Variants in OXR1 observed in about 807,000 individuals in gnomAD.
The protein encoded by OXR1 is oxidation resistance protein 1.
OXR1 carries 41 observed loss-of-function variants against 104.6 expected under a neutral mutation model. That is an observed-to-expected ratio of 0.39 (90% CI 0.31 to 0.51). The LOEUF (loss-of-function observed/expected upper bound fraction) is 0.51, where lower values mean the gene tolerates loss of function less well. OXR1 is among the 20% of genes least tolerant of loss of function. The pLI is 0.77. For synonymous variants in OXR1, 348 were observed against 348.4 expected, an observed-to-expected ratio of 1.00 and a Z score of 0.01; for missense variants, 955 against 1,031.9, an observed-to-expected ratio of 0.93 and a Z score of 1.02.
chr8:106,284,722 A>G (rs1216951950), intron 1 of OXR1, among the ~76,000 whole-genome samples: 4 of 152,242 alleles, frequency 2.6e-5, no homozygotes, highest in Middle Eastern at 3.4e-3. Flanking sequence ...AGGGAATTCT[A>G]AACCACTTGC....
chr8:106,320,842 T>G (rs915445835), intron 1 of OXR1, among the ~76,000 whole-genome samples: 2 of 152,080 alleles, frequency 1.3e-5, no homozygotes, highest in African/African-American at 4.8e-5. Flanking sequence ...TAGCTAATTT[T>G]TGTATTTTTT....
intron 3 of OXR1, among the ~76,000 whole-genome samples, chr8:106,575,717 GAA>G (rs1817779190): frequency 7.1e-6 from 1 of 141,176 alleles, no homozygotes; most frequent in Admixed American, 7.1e-5. Flanking sequence ...AAAAAAAAGA[GAA>G]AGGGGCTTGA....
intron 3 of OXR1, among the ~76,000 whole-genome samples, chr8:106,667,623 T>C (rs1272497989): frequency 6.6e-6 from 1 of 152,190 alleles, no homozygotes; most frequent in African/African-American, 2.4e-5. Context: ...ATGATCATTC[T>C]TTTTTCACAT....
intron 1 of OXR1, among the ~76,000 whole-genome samples, chr8:106,299,681 G>A (rs1364533979): frequency 2.6e-5 from 4 of 151,984 alleles, no homozygotes; most frequent in Non-Finnish European, 5.9e-5. Flanking sequence ...ATATTATAAA[G>A]TTCACTCCCA....
chr8:106,392,639 GTAA>G (rs1284178125), intron 2 of OXR1, among the ~76,000 whole-genome samples: 1 of 152,076 alleles, frequency 6.6e-6, no homozygotes, highest in Non-Finnish European at 1.5e-5. Context: ...TAAAAAATTG[GTAA>G]TGGGTGGGAA....
intron 2 of OXR1, among the ~76,000 whole-genome samples, chr8:106,486,359 G>C (rs2129798194): frequency 6.6e-6 from 1 of 152,128 alleles, no homozygotes; most frequent in Admixed American, 6.5e-5. Flanking sequence ...TTTCAAATTG[G>C]TTTTCTTCTA....
At chr8:106,608,446 G>A (rs1343988959) in intron 3 of OXR1, among the ~76,000 whole-genome samples, 1 of 152,050 alleles carries the variant, frequency 6.6e-6, no homozygotes, top group Non-Finnish European at 1.5e-5. Flanking sequence ...TGGTTTCTGT[G>A]GGAGGCTAAA....
At chr8:106,430,035 G>A (rs1228432180) in intron 2 of OXR1, among the ~76,000 whole-genome samples, 1 of 152,140 alleles carries the variant, frequency 6.6e-6, no homozygotes, top group East Asian at 1.9e-4. Flanking sequence ...GCCTGTGTGT[G>A]TGTGTGTCTG....
intron 4 of OXR1, 77 bp from the exon 5 acceptor site, chr8:106,683,122 T>C: frequency 1.5e-6 from 1 of 688,788 alleles, no homozygotes; most frequent in Non-Finnish European, 2.5e-6. Flanking sequence ...TCCCTAGATA[T>C]ATTAATGCTC....
chr8:106,591,691 C>T (rs1419553514), intron 3 of OXR1, among the ~76,000 whole-genome samples: 1 of 151,956 alleles, frequency 6.6e-6, no homozygotes, highest in Non-Finnish European at 1.5e-5. Flanking sequence ...CACTACCCAC[C>T]CAATTATTGG....
chr8:106,665,465 G>A (rs1215867217), intron 3 of OXR1, among the ~76,000 whole-genome samples: 1 of 152,166 alleles, frequency 6.6e-6, no homozygotes, highest in Non-Finnish European at 1.5e-5. Context: ...AGAGAACTTA[G>A]TTACCCATGT....
intron 7 of OXR1, among the ~76,000 whole-genome samples, chr8:106,696,294 G>A (rs368832955): frequency 5.3e-5 from 8 of 152,028 alleles, no homozygotes; most frequent in East Asian, 3.9e-4. Flanking sequence ...TGTCTTTTGC[G>A]GATTGACACC....
At chr8:106,512,073 A>C (rs1812570001) in intron 2 of OXR1, among the ~76,000 whole-genome samples, 1 of 152,192 alleles carries the variant, frequency 6.6e-6, no homozygotes, top group African/African-American at 2.4e-5. Context: ...GCCAAATCTA[A>C]GTACTTTTTC....
At chr8:106,649,848 C>T (rs948764377) in intron 3 of OXR1, among the ~76,000 whole-genome samples, 2 of 152,014 alleles carry the variant, frequency 1.3e-5, no homozygotes, top group Non-Finnish European at 2.9e-5. Context: ...AGGCACCCAC[C>T]GCCACGCCCA....
rs1436086042 is a variant in OXR1 at position 106,447,931 on chromosome 8, C to T, written c.24-71012C>T. The T allele has an allele frequency of 2.6e-6, 4 of 1,532,726 alleles. No individual in the cohort carries two copies. In the East Asian group the frequency reaches 9.8e-5, roughly 38 times the overall value. The allele number at this position is 1,532,726 out of a possible 1,614,324, so 94.9% of individuals were successfully genotyped here. A position where few individuals can be genotyped will look rare whatever the true frequency, so the allele number is the denominator to read the frequency against. ...GAGGTAGTGGGTGGAGCTAACGAGACATCTAGTACGGGGCTCACAGGTAAC... is the reference window on the plus strand; with the variant it reads ...GAGGTAGTGGGTGGAGCTAACGAGATATCTAGTACGGGGCTCACAGGTAAC... On this transcript the variant is annotated intron_variant, in intron 2 of 16. Transcript: ENST00000517566.
At chr8:106,302,650 A>G (rs1456735415) in intron 1 of OXR1, among the ~76,000 whole-genome samples, 1 of 152,168 alleles carries the variant, frequency 6.6e-6, no homozygotes, top group African/African-American at 2.4e-5. Flanking sequence ...GACAGAGAAA[A>G]TGTAATGGCA....
At chr8:106,563,296 C>CAA (rs145929849) in intron 3 of OXR1, among the ~76,000 whole-genome samples, 17 of 125,758 alleles carry the variant, frequency 1.4e-4, no homozygotes, top group African/African-American at 4.4e-4. Flanking sequence ...AAATGGAAAG[C>CAA]AAAAAAAAAA....
In OXR1 at chr8:106,272,079, T is replaced by A. The variant is rs902222006; in HGVS notation, c.-139+1712T>A. ...TCTCTGGTGGGGGCCTCCCTGGAGTTCTCCACATGTAAATATAGCGAAAAA... is the reference window on the plus strand; with the variant it reads ...TCTCTGGTGGGGGCCTCCCTGGAGTACTCCACATGTAAATATAGCGAAAAA... On this transcript the variant is annotated intron_variant, in intron 1 of 16. Coordinates refer to ENST00000517566, the MANE Select transcript of OXR1 (RefSeq NM_001198533.2). 8 of 152,206 alleles carry A rather than the reference T, an allele frequency of 5.3e-5. 1 individual carries two copies. The highest frequency in any genetic ancestry group is 1.9e-4 in the African/African-American group (8 of 41,518). 9.4% of individuals were successfully genotyped at this position (152,206 alleles called of 1,614,324 possible). A position where few individuals can be genotyped will look rare whatever the true frequency, so the allele number is the denominator to read the frequency against.
chr8:106,510,504 T>A (rs948318886), intron 2 of OXR1, among the ~76,000 whole-genome samples: 2 of 152,332 alleles, frequency 1.3e-5, no homozygotes, highest in Non-Finnish European at 2.9e-5. Flanking sequence ...TAAGAAATGC[T>A]AACGTTTTAT....
Sources: allele counts gnomAD v4.1 joint callset (sites outside exome capture counted in the v4.1 genomes callset), GRCh38; gene constraint gnomAD v4.1.1; transcripts MANE v1.5; gene names NCBI Gene and HGNC (gene_info 2026-07-23, HGNC 2026-07-21).